Variants in CHLSN observed in about 807,000 individuals in gnomAD.
CHLSN encodes cholesin.
the CHLSN span, among the ~76,000 whole-genome samples, chr7:1,078,860 C>G: frequency 6.6e-6 from 1 of 152,254 alleles, no homozygotes; most frequent in Non-Finnish European, 1.5e-5. Flanking sequence ...CTCTGGCTGG[C>G]CAGGTGCCCC....
At chr7:986,822 T>G in the CHLSN span, 82 of 1,507,330 alleles carry the variant, frequency 5.4e-5, no homozygotes, top group Non-Finnish European at 5.1e-5. Context: ...AAGACCTCCT[T>G]GAAGGCCTGT....
chr7:1,114,196 A>G, the CHLSN span, among the ~76,000 whole-genome samples: 1 of 152,196 alleles, frequency 6.6e-6, no homozygotes. Context: ...CCACTGGCCC[A>G]TACAAGGGCC....
chr7:1,100,269 C>G, the CHLSN span, among the ~76,000 whole-genome samples: 2 of 152,248 alleles, frequency 1.3e-5, no homozygotes, highest in Non-Finnish European at 2.9e-5. Flanking sequence ...CTCAGGCCTC[C>G]TGAAGCTGCT....
chr7:1,036,320 T>C, the CHLSN span, among the ~76,000 whole-genome samples: 1,285 of 149,664 alleles, frequency 8.6e-3, 9 homozygotes, highest in Non-Finnish European at 0.011. Flanking sequence ...CCGTGCAGGG[T>C]TCGGGTGCTC....
At chr7:1,028,065 C>A in the CHLSN span, among the ~76,000 whole-genome samples, 2 of 151,994 alleles carry the variant, frequency 1.3e-5, no homozygotes, top group Non-Finnish European at 2.9e-5. Flanking sequence ...CGGGGACCGG[C>A]GCGCAGCGGA....
chr7:1,109,867 T>C, the CHLSN span, among the ~76,000 whole-genome samples: 1 of 147,236 alleles, frequency 6.8e-6, no homozygotes, highest in Non-Finnish European at 1.5e-5. Flanking sequence ...TCTCTCTGTC[T>C]ACCAGGCAAC....
At chr7:1,094,879 C>T in the CHLSN span, among the ~76,000 whole-genome samples, 4 of 152,316 alleles carry the variant, frequency 2.6e-5, no homozygotes, top group East Asian at 1.9e-4. Context: ...CTGCCCAGAC[C>T]GTGGCCTGCA....
At chr7:1,051,078 C>T in the CHLSN span, among the ~76,000 whole-genome samples, 1 of 152,142 alleles carries the variant, frequency 6.6e-6, no homozygotes, top group Non-Finnish European at 1.5e-5. Context: ...ACCCCTGCGT[C>T]GCAGAGGGCA....
At chr7:1,116,422 C>G in the CHLSN span, among the ~76,000 whole-genome samples, 22 of 132,580 alleles carry the variant, frequency 1.7e-4, no homozygotes, top group East Asian at 5.2e-3. Flanking sequence ...TGCAGCTCTA[C>G]GGACCGGCTT....
At chr7:998,427 AGTTCT>A in the CHLSN span, among the ~76,000 whole-genome samples, 46 of 144,672 alleles carry the variant, frequency 3.2e-4, no homozygotes, top group African/African-American at 1.1e-3. Flanking sequence ...CTTTCCAGCT[AGTTCT>A]GTATGCAGTG....
the CHLSN span, among the ~76,000 whole-genome samples, chr7:1,069,993 G>GC: frequency 8.9e-6 from 1 of 112,690 alleles, no homozygotes; most frequent in Non-Finnish European, 1.9e-5. Flanking sequence ...GAGCGCCTCT[G>GC]CCCCGCCGCC....
chr7:1,054,653 G>T, the CHLSN span, among the ~76,000 whole-genome samples: 1 of 152,238 alleles, frequency 6.6e-6, no homozygotes, highest in Non-Finnish European at 1.5e-5. Context: ...AGTCCAGGCA[G>T]CTTCTCTCTG....
the CHLSN span, among the ~76,000 whole-genome samples, chr7:1,000,999 C>T: frequency 1.3e-5 from 2 of 152,206 alleles, no homozygotes; most frequent in African/African-American, 4.8e-5. Flanking sequence ...GCCAGTGGGC[C>T]TGGGGACGAG....
chr7:1,045,740 TGAA>T, the CHLSN span: 1 of 152,264 alleles, frequency 6.6e-6, no homozygotes, highest in African/African-American at 2.4e-5. Context: ...TCTTCCTCAA[TGAA>T]GAAGGCCTCT....
the CHLSN span, among the ~76,000 whole-genome samples, chr7:991,803 GCCT>G: frequency 1.3e-5 from 2 of 152,238 alleles, no homozygotes; most frequent in Admixed American, 6.5e-5. Flanking sequence ...CACCTCCAGA[GCCT>G]CCTCATCTTC....
At chr7:1,109,048 C>A in the CHLSN span, among the ~76,000 whole-genome samples, 1 of 152,094 alleles carries the variant, frequency 6.6e-6, no homozygotes, top group African/African-American at 2.4e-5. Flanking sequence ...GGCGCCCCAC[C>A]ATCACACCCA....
chr7:1,094,544 T>C, the CHLSN span, among the ~76,000 whole-genome samples: 6 of 152,176 alleles, frequency 3.9e-5, no homozygotes, highest in African/African-American at 1.4e-4. Flanking sequence ...TGCGGCACAA[T>C]GAAGACTGAA....
the CHLSN span, chr7:1,081,002 G>GAGCTGGAGCCTGCACGGCCC: frequency 6.6e-6 from 1 of 152,664 alleles, no homozygotes; most frequent in East Asian, 1.9e-4. Flanking sequence ...AAGGCCGGCC[G>GAGCTGGAGCCTGCACGGCCC]AGCTGGAGCC....
the CHLSN span, among the ~76,000 whole-genome samples, chr7:1,135,315 G>C: frequency 6.6e-6 from 1 of 151,702 alleles, no homozygotes; most frequent in Non-Finnish European, 1.5e-5. Flanking sequence ...CAACTCAACT[G>C]TGTATATATA....
Sources: allele counts gnomAD v4.1 joint callset (sites outside exome capture counted in the v4.1 genomes callset), GRCh38; gene constraint gnomAD v4.1.1; transcripts MANE v1.5; gene names NCBI Gene and HGNC (gene_info 2026-07-23, HGNC 2026-07-21).